The following RAD54B variants were observed in gnomAD, a reference collection of about 807,000 sequenced individuals.
RAD54B encodes the protein DNA repair and recombination protein RAD54B.
Under a neutral mutation model 95.8 loss-of-function variants are expected in RAD54B, and 78 were observed. The ratio of observed to expected loss-of-function variants is 0.81; its 90% CI spans 0.68 to 0.98. The LOEUF (loss-of-function observed/expected upper bound fraction) is 0.98, where lower values mean the gene tolerates loss of function less well. RAD54B is among the 50% of genes least tolerant of loss of function. The pLI, the probability that RAD54B is intolerant of heterozygous loss-of-function variation, is 0.00. For synonymous variants in RAD54B, 328 were observed against 354.9 expected, an observed-to-expected ratio of 0.92 and a Z score of 0.85; for missense variants, 957 against 1,056.6, an observed-to-expected ratio of 0.91 and a Z score of 1.31.
intron 3 of RAD54B, among the ~76,000 whole-genome samples, chr8:94,422,311 G>A (rs1156647517): frequency 6.6e-6 from 1 of 151,698 alleles, no homozygotes; most frequent in East Asian, 1.9e-4. Flanking sequence ...TATCAGCCGG[G>A]TGCAGTGGTT....
chr8:94,398,137 A>G (rs1811188803), intron 8 of RAD54B, among the ~76,000 whole-genome samples: 1 of 152,084 alleles, frequency 6.6e-6, no homozygotes, highest in African/African-American at 2.4e-5. Context: ...ACTGACAAAC[A>G]TTCATTGGGC....
At chr8:94,434,658 T>C (rs898073356) in intron 3 of RAD54B, among the ~76,000 whole-genome samples, 1 of 151,234 alleles carries the variant, frequency 6.6e-6, no homozygotes, top group Non-Finnish European at 1.5e-5. Flanking sequence ...ATTATTAAGA[T>C]TCAAGGATGA....
At chr8:94,427,807 A>T in intron 3 of RAD54B, 1 of 958,932 alleles carries the variant, frequency 1.0e-6, no homozygotes, top group Non-Finnish European at 1.2e-6. Context: ...AATTTATTAC[A>T]CTCTAAGTTA....
At chr8:94,374,800 A>G (rs762654694) in intron 14 of RAD54B, among the ~76,000 whole-genome samples, 14 of 152,202 alleles carry the variant, frequency 9.2e-5, no homozygotes, top group Non-Finnish European at 1.6e-4. Flanking sequence ...ACAGTTTCAT[A>G]TTTTAATATA....
At chr8:94,408,067 A>G (rs1811438627) in intron 4 of RAD54B, among the ~76,000 whole-genome samples, 1 of 152,128 alleles carries the variant, frequency 6.6e-6, no homozygotes, top group African/African-American at 2.4e-5. Flanking sequence ...AACTACAGAA[A>G]CATCATGGTA....
intron 3 of RAD54B, among the ~76,000 whole-genome samples, chr8:94,422,309 G>A (rs1450048167): frequency 1.3e-5 from 2 of 151,476 alleles, no homozygotes; most frequent in South Asian, 2.1e-4. Context: ...ATTATCAGCC[G>A]GGTGCAGTGG....
intron 8 of RAD54B, among the ~76,000 whole-genome samples, chr8:94,394,863 G>A (rs540694139): frequency 6.6e-5 from 10 of 152,046 alleles, no homozygotes; most frequent in Non-Finnish European, 1.5e-4. Context: ...TTAATGTCAA[G>A]GAATTTAATA....
At chr8:94,436,131 G>A (rs1812253371) in intron 3 of RAD54B, among the ~76,000 whole-genome samples, 2 of 151,972 alleles carry the variant, frequency 1.3e-5, no homozygotes, top group African/African-American at 2.4e-5. Flanking sequence ...GAAAATTCCA[G>A]TGAAATGTAA....
intron 3 of RAD54B, among the ~76,000 whole-genome samples, chr8:94,447,872 G>A (rs1195724963): frequency 1.3e-5 from 2 of 151,990 alleles, no homozygotes; most frequent in Admixed American, 6.6e-5. Flanking sequence ...AAAGAAACTG[G>A]GCTCATGACA....
intron 3 of RAD54B, among the ~76,000 whole-genome samples, chr8:94,427,545 T>G (rs1335837027): frequency 6.6e-6 from 1 of 152,014 alleles, no homozygotes; most frequent in Non-Finnish European, 1.5e-5. Flanking sequence ...CTGTGGCTCT[T>G]AACATTTGAA....
At chr8:94,459,954 C>T (rs1019549432) in intron 2 of RAD54B, among the ~76,000 whole-genome samples, 7 of 149,420 alleles carry the variant, frequency 4.7e-5, no homozygotes, top group African/African-American at 1.7e-4. Context: ...GTCAGGAGAT[C>T]GAGACCAACC....
At position 94,426,799 on chromosome 8, in the gene RAD54B, C is replaced by G. The variant is rs78161346; in HGVS notation, c.305-15484G>C. Among the ~76,000 whole-genome samples, 1,202 of 152,124 alleles carry G rather than the reference C, an allele frequency of 7.9e-3. 13 individuals are homozygous for G. Among genetic ancestry groups the G allele is most frequent in the African/African-American group, 0.027 (1,132 of 41,520 alleles). On this transcript the variant is annotated intron_variant, in intron 3 of 14. Coordinates refer to ENST00000336148, the MANE Select transcript of RAD54B (RefSeq NM_012415.3). ...CTACACAGTTGTAGATCAAAACTCA[C>G]CAAATGGTATATTTTAAATTTGTGC...
chr8:94,459,147 A>T (rs1812842808), intron 2 of RAD54B, among the ~76,000 whole-genome samples: 1 of 152,004 alleles, frequency 6.6e-6, no homozygotes, highest in Admixed American at 6.6e-5. Context: ...TTTTTTTAAC[A>T]AGCCCCCACC....
intron 3 of RAD54B, among the ~76,000 whole-genome samples, chr8:94,447,933 T>C (rs533628386): frequency 2.6e-5 from 4 of 152,334 alleles, no homozygotes; most frequent in East Asian, 1.9e-4. Flanking sequence ...GAATTTCCAG[T>C]TATACATGCC....
At chr8:94,389,969 G>A (rs1810976588) in intron 10 of RAD54B, among the ~76,000 whole-genome samples, 1 of 152,138 alleles carries the variant, frequency 6.6e-6, no homozygotes, top group Non-Finnish European at 1.5e-5. Context: ...TCCTTTTAAT[G>A]AAGAAATTTT....
rs375502720 is a variant in RAD54B at position 94,430,443 on chromosome 8, C to T, written c.305-19128G>A. The T allele has an allele frequency of 6.2e-5, 61 of 985,022 alleles. 2 individuals carry two copies. The South Asian group carries it at 2.3e-3, about 36-fold the overall frequency. The allele number at this position is 985,022 out of a possible 1,614,324, so 61.0% of individuals were successfully genotyped here. ...AGACTAGTATGATTTAGGCACCAAG[C>T]GAGGTTCCAAAATACTCTGTTTCAC... On this transcript the variant is annotated intron_variant, in intron 3 of 14. Coordinates refer to ENST00000336148, the MANE Select transcript of RAD54B (RefSeq NM_012415.3).
intron 3 of RAD54B, among the ~76,000 whole-genome samples, chr8:94,416,987 T>C (rs1811688249): frequency 6.6e-6 from 1 of 152,188 alleles, no homozygotes; most frequent in African/African-American, 2.4e-5. Flanking sequence ...AACCCAAATG[T>C]GCATTCAACT....
chr8:94,441,168 G>A (rs958627064), intron 3 of RAD54B, among the ~76,000 whole-genome samples: 1 of 152,198 alleles, frequency 6.6e-6, no homozygotes, highest in African/African-American at 2.4e-5. Flanking sequence ...AATCTTTAGT[G>A]TTGTGAGCCC....
intron 3 of RAD54B, among the ~76,000 whole-genome samples, chr8:94,445,715 G>A (rs1180277257): frequency 6.7e-6 from 1 of 150,142 alleles, no homozygotes; most frequent in African/African-American, 2.5e-5. Context: ...TTTTTTTTAA[G>A]AGACAGGGCC....
Sources: gnomAD v4.1 joint callset for allele counts (sites outside exome capture counted in the v4.1 genomes callset) on GRCh38, gnomAD v4.1.1 for gene constraint, MANE v1.5 for transcripts, NCBI Gene and HGNC (gene_info 2026-07-23, HGNC 2026-07-21) for gene names.